FOXP2: variants seen among roughly 807,000 people sequenced by gnomAD.
FOXP2 encodes forkhead box P2, also known as forkhead box protein P2.
FOXP2 carries 12 observed loss-of-function variants against 115.8 expected under a neutral mutation model. That is an observed-to-expected ratio of 0.10 (90% confidence interval 0.07 to 0.17). The LOEUF (loss-of-function observed/expected upper bound fraction) is 0.17, where lower values mean the gene tolerates loss of function less well. FOXP2 is among the 10% of genes least tolerant of loss of function. The pLI is 1.00. For missense variants in FOXP2, 629 were observed against 843.5 expected (o/e 0.75, Z 3.15); for synonymous variants, 328 against 297.7 (o/e 1.10, Z -1.05).
intron 1 of FOXP2, among the ~76,000 whole-genome samples, chr7:114,227,156 T>C (rs1272508062): frequency 1.3e-5 from 2 of 152,126 alleles, no homozygotes; most frequent in African/African-American, 4.8e-5. Context: ...GAATATTTCC[T>C]GGAATGTTAC....
chr7:114,386,047 A>G (rs1331101234), intron 2 of FOXP2, among the ~76,000 whole-genome samples: 2 of 152,228 alleles, frequency 1.3e-5, no homozygotes, highest in African/African-American at 4.8e-5. Flanking sequence ...TGCAGGAACA[A>G]TGGCAAGCCT....
At chr7:114,106,028 G>C (rs1311281831) in intron 1 of FOXP2, among the ~76,000 whole-genome samples, 1 of 152,012 alleles carries the variant, frequency 6.6e-6, no homozygotes, top group Non-Finnish European at 1.5e-5. Context: ...CAGCATTTGT[G>C]TCCACACAGT....
At chr7:114,552,481 T>C (rs1454378356) in intron 3 of FOXP2, among the ~76,000 whole-genome samples, 1 of 152,194 alleles carries the variant, frequency 6.6e-6, no homozygotes, top group Non-Finnish European at 1.5e-5. Flanking sequence ...AACATATATT[T>C]ACAAAAAATT....
chr7:114,259,172 A>G (rs909676835), intron 1 of FOXP2, among the ~76,000 whole-genome samples: 1 of 152,216 alleles, frequency 6.6e-6, no homozygotes, highest in Non-Finnish European at 1.5e-5. Context: ...TAGAAGTAGA[A>G]TAGCTGGAAG....
chr7:114,458,190 A>G lies in FOXP2; in HGVS notation c.168+31511A>G, dbSNP rs534202023. Among the ~76,000 whole-genome samples the G allele has an allele frequency of 6.1e-4, 93 of 152,302 alleles. 1 individual carries two copies. The highest frequency in any genetic ancestry group is 3.4e-3 in the Middle Eastern group (1 of 292). Reference sequence around the variant, plus strand: ...TTATCTGTGACATGTGACTTAAGTAATTTGATACTAAGAAAGGGAATGTGT... The same window carrying G: ...TTATCTGTGACATGTGACTTAAGTAGTTTGATACTAAGAAAGGGAATGTGT... On this transcript the variant is annotated intron_variant, in intron 2 of 16. Transcript: ENST00000350908.
chr7:114,134,198 C>T (rs944301042), intron 1 of FOXP2, among the ~76,000 whole-genome samples: 15 of 152,090 alleles, frequency 9.9e-5, no homozygotes, highest in Non-Finnish European at 1.8e-4. Flanking sequence ...CATTAGTGAT[C>T]TTCACCTTAG....
intron 2 of FOXP2, among the ~76,000 whole-genome samples, chr7:114,444,931 A>G (rs1255463756): frequency 6.6e-6 from 1 of 152,152 alleles, no homozygotes; most frequent in Non-Finnish European, 1.5e-5. Flanking sequence ...TTCTACAGTT[A>G]TCATGCATTC....
intron 2 of FOXP2, among the ~76,000 whole-genome samples, chr7:114,367,476 C>G (rs1177535177): frequency 6.6e-6 from 1 of 152,096 alleles, no homozygotes; most frequent in Admixed American, 6.6e-5. Context: ...CCCTTATTCT[C>G]AAGAGTATAT....
chr7:114,521,475 G>A (rs1371566524), intron 2 of FOXP2, among the ~76,000 whole-genome samples: 2 of 145,722 alleles, frequency 1.4e-5, no homozygotes, highest in Admixed American at 7.0e-5. Flanking sequence ...CTAGGTTACA[G>A]TGGACTCTGA....
intron 2 of FOXP2, among the ~76,000 whole-genome samples, chr7:114,474,626 T>C (rs539171908): frequency 6.6e-6 from 1 of 152,268 alleles, no homozygotes; most frequent in African/African-American, 2.4e-5. Flanking sequence ...AAACATAAGA[T>C]TTAGTGGTGA....
chr7:114,385,011 T>C (rs1035383789), intron 2 of FOXP2, among the ~76,000 whole-genome samples: 5 of 151,906 alleles, frequency 3.3e-5, no homozygotes, highest in African/African-American at 1.2e-4. Context: ...TTTTTCTTTC[T>C]TTTTCTCTAT....
chr7:114,627,310 C>G (rs1392892469), intron 3 of FOXP2, among the ~76,000 whole-genome samples: 2 of 151,626 alleles, frequency 1.3e-5, no homozygotes. Flanking sequence ...AGACATGTTG[C>G]CCAATAAATT....
chr7:114,164,290 T>G (rs1004780934), intron 1 of FOXP2, among the ~76,000 whole-genome samples: 2 of 151,504 alleles, frequency 1.3e-5, no homozygotes, highest in African/African-American at 4.8e-5. Context: ...AGTTCAAAAC[T>G]TTTTTTTTGT....
chr7:114,623,762 TTG>T (rs1804381032), intron 3 of FOXP2, among the ~76,000 whole-genome samples: 1 of 151,924 alleles, frequency 6.6e-6, no homozygotes, highest in African/African-American at 2.4e-5. Flanking sequence ...ATACTAAAAC[TTG>T]TGTCTTAAAG....
rs565418360 is a variant in FOXP2, at chr7:114,156,075, C to T, written c.-246-6869C>T. ...CTGAGTATTACTAGAAAGTCATACA[C>T]CAGTTAACCTGTGCCATTTTGCCTC... On this transcript the variant is annotated intron_variant, in intron 1 of 19. Coordinates refer to the FOXP2 transcript ENST00000635638. 9.2e-5 allele frequency among the ~76,000 whole-genome samples: 14 copies of T among 152,204 alleles called. 2 individuals are homozygous for T. The South Asian group carries it at 2.9e-3, about 32-fold the overall frequency.
At chr7:114,563,307 T>G (rs1301596582) in intron 3 of FOXP2, among the ~76,000 whole-genome samples, 1 of 152,208 alleles carries the variant, frequency 6.6e-6, no homozygotes, top group Admixed American at 6.5e-5. Context: ...AATTCTTACC[T>G]TAGTAGATCC....
chr7:114,644,219 T>G (rs1306643132), intron 7 of FOXP2, among the ~76,000 whole-genome samples: 1 of 152,194 alleles, frequency 6.6e-6, no homozygotes, highest in Non-Finnish European at 1.5e-5. Flanking sequence ...GTGTAACTAG[T>G]AGAAATATAT....
At chr7:114,130,526 T>C (rs2129145159) in intron 1 of FOXP2, among the ~76,000 whole-genome samples, 1 of 152,328 alleles carries the variant, frequency 6.6e-6, no homozygotes, top group East Asian at 1.9e-4. Context: ...TAGTATTTCT[T>C]CACTATAAAA....
chr7:114,462,943 A>G (rs1183058212), intron 2 of FOXP2: 4 of 299,854 alleles, frequency 1.3e-5, no homozygotes, highest in African/African-American at 6.9e-5. Context: ...ATAGCAAATG[A>G]TACAAGAATC....
Sources: gnomAD v4.1 joint callset for allele counts (sites outside exome capture counted in the v4.1 genomes callset) on GRCh38, gnomAD v4.1.1 for gene constraint, MANE v1.5 for transcripts, NCBI Gene and HGNC (gene_info 2026-07-23, HGNC 2026-07-21) for gene names.